FAM171B: variants seen among roughly 807,000 people sequenced by gnomAD.
FAM171B encodes the protein family with sequence similarity 171 member B, also known as protein FAM171B.
In FAM171B, 19 loss-of-function variants were observed where a neutral mutation model predicts 75.6. The ratio of observed to expected loss-of-function variants is 0.25; its 90% CI spans 0.18 to 0.37. FAM171B has a LOEUF of 0.37. FAM171B is among the 10% of genes least tolerant of loss of function. FAM171B has a pLI of 1.00. For synonymous variants in FAM171B, 367 were observed against 361.7 expected (o/e 1.01, Z -0.17); for missense variants, 848 against 982.4 (o/e 0.86, Z 1.83).
intron 1 of FAM171B, among the ~76,000 whole-genome samples, chr2:186,724,256 G>A (rs771562523): frequency 5.3e-5 from 8 of 152,138 alleles, no homozygotes; most frequent in Non-Finnish European, 1.2e-4. Flanking sequence ...CTGGAGCAAC[G>A]GGGTATGCTG....
At chr2:186,754,189 AT>A (rs893317507) in intron 6 of FAM171B, 140 bp downstream of exon 6, 317 of 582,806 alleles carry the variant, frequency 5.4e-4, no homozygotes, top group South Asian at 6.0e-4. Context: ...ATCTCAGCTT[AT>A]TTTTTTTTCA....
rs563612838 is a variant in FAM171B at position 186,695,657 on chromosome 2, T to C, written c.238+1246T>C. Among the ~76,000 whole-genome samples the C allele has an allele frequency of 1.8e-4, 28 of 152,314 alleles. 1 individual carries two copies. The South Asian group carries it at 4.6e-3, about 25-fold the overall frequency. On this transcript the variant is annotated intron_variant, in intron 1 of 7. Coordinates refer to ENST00000304698, the MANE Select transcript of FAM171B (RefSeq NM_177454.4). ...AGCATAGGATGAAATCACCAAAGTGTGCAGGAAAGCATGTGTTTCTGACAC... is the reference window on the plus strand; with the variant it reads ...AGCATAGGATGAAATCACCAAAGTGCGCAGGAAAGCATGTGTTTCTGACAC...
chr2:186,742,018 AATACTT>A (rs1690296283), intron 2 of FAM171B, among the ~76,000 whole-genome samples: 1 of 152,286 alleles, frequency 6.6e-6, no homozygotes, highest in South Asian at 2.1e-4. Flanking sequence ...TTTTGAGAGA[AATACTT>A]ATGTTATTAA....
Position 186,764,790 on chromosome 2 carries a change from A to G in FAM171B, c.*1967A>G, listed in dbSNP as rs1242175283. 6.6e-6 allele frequency: 1 copy of G among 151,924 alleles called. No individual in the cohort carries two copies. Among genetic ancestry groups the G allele is most frequent in the African/African-American group, 2.4e-5 (1 of 41,414 alleles). The allele number at this position is 151,924 out of a possible 1,614,324, so 9.4% of individuals were successfully genotyped here. A position where few individuals can be genotyped will look rare whatever the true frequency, so the allele number is the denominator to read the frequency against. On this transcript the variant is annotated 3_prime_UTR_variant, in exon 8 of 8. Transcript: ENST00000304698. ...GTATTTCTTGTTTTTTGAATACAGT[A>G]TATATTGATAAATTGTTTATGTTGG... is the stretch of plus-strand genomic sequence containing the variant.
chr2:186,745,533 A>G (rs2105787797), intron 3 of FAM171B, among the ~76,000 whole-genome samples: 1 of 152,302 alleles, frequency 6.6e-6, no homozygotes, highest in East Asian at 1.9e-4. Context: ...TCATTTTCCT[A>G]AAAGGTGACC....
intron 3 of FAM171B, among the ~76,000 whole-genome samples, chr2:186,746,495 C>T (rs1415619451): frequency 6.6e-6 from 1 of 152,160 alleles, no homozygotes; most frequent in Admixed American, 6.5e-5. Context: ...AGACATGGCT[C>T]GATCACGACT....
chr2:186,709,199 C>A (rs927202945), intron 1 of FAM171B, among the ~76,000 whole-genome samples: 2 of 152,078 alleles, frequency 1.3e-5, no homozygotes, highest in African/African-American at 2.4e-5. Flanking sequence ...AAATCTGCCC[C>A]CATGATCCAG....
At chr2:186,738,376 C>G (rs1690235480) in intron 1 of FAM171B, among the ~76,000 whole-genome samples, 1 of 151,900 alleles carries the variant, frequency 6.6e-6, no homozygotes. Context: ...AAAAGGAAGG[C>G]TCTCGGTGGA....
At chr2:186,700,569 A>G (rs1689643545) in intron 1 of FAM171B, among the ~76,000 whole-genome samples, 1 of 152,198 alleles carries the variant, frequency 6.6e-6, no homozygotes, top group South Asian at 2.1e-4. Flanking sequence ...TAGCACATTT[A>G]GTAGTTTATT....
At chr2:186,705,489 A>G (rs529598706) in intron 1 of FAM171B, among the ~76,000 whole-genome samples, 1 of 152,214 alleles carries the variant, frequency 6.6e-6, no homozygotes, top group South Asian at 2.1e-4. Context: ...CCCTGAAACT[A>G]ATTAGACAAT....
chr2:186,734,983 G>A (rs1404696531), intron 1 of FAM171B, among the ~76,000 whole-genome samples: 3 of 152,222 alleles, frequency 2.0e-5, no homozygotes, highest in Non-Finnish European at 2.9e-5. Flanking sequence ...AAGCCTGTGA[G>A]GGAAGGGAGC....
chr2:186,751,397 T>C, intron 5 of FAM171B, 93 bp downstream of exon 5: 1 of 1,148,324 alleles, frequency 8.7e-7, no homozygotes, highest in South Asian at 2.6e-5. Context: ...ACAGCTCTAG[T>C]TTTTTAGTAA....
At chr2:186,714,409 A>G (rs1358303016) in intron 1 of FAM171B, among the ~76,000 whole-genome samples, 2 of 152,238 alleles carry the variant, frequency 1.3e-5, no homozygotes, top group Non-Finnish European at 2.9e-5. Context: ...ATGAGATGAA[A>G]GAAACTACAC....
intron 1 of FAM171B, among the ~76,000 whole-genome samples, chr2:186,724,875 T>C (rs1690008096): frequency 6.6e-6 from 1 of 152,152 alleles, no homozygotes; most frequent in Non-Finnish European, 1.5e-5. Flanking sequence ...AAAAGGACAT[T>C]GAGTGCAGAG....
At chr2:186,753,860 A>G (rs1333404053) in intron 5 of FAM171B, 73 bp from the exon 6 acceptor site, 2 of 1,126,086 alleles carry the variant, frequency 1.8e-6, no homozygotes, top group East Asian at 4.8e-5. Flanking sequence ...AAAAAGTCCC[A>G]TAATGTATTC....
chr2:186,733,401 T>C (rs1342880501), intron 1 of FAM171B, among the ~76,000 whole-genome samples: 1 of 152,202 alleles, frequency 6.6e-6, no homozygotes, highest in African/African-American at 2.4e-5. Flanking sequence ...ATTACTCAAA[T>C]CAGTCTCCCC....
chr2:186,740,682 A>G (rs73979355), intron 2 of FAM171B, among the ~76,000 whole-genome samples: 3,805 of 152,248 alleles, frequency 0.025, 171 homozygotes, highest in African/African-American at 0.087. Flanking sequence ...AACAAGAGAA[A>G]TTTATTTCTT....
intron 1 of FAM171B, 148 bp from the exon 2 acceptor site, chr2:186,740,080 T>A: frequency 1.7e-6 from 1 of 574,094 alleles, no homozygotes; most frequent in Non-Finnish European, 3.0e-6. Context: ...GAATAATGAA[T>A]TCTTCATTAT....
chr2:186,762,316 C>G lies in FAM171B; in HGVS notation c.1974C>G (p.Leu658=), dbSNP rs749018526. The part of the protein sequence containing the change: ...SELQGISEQT[L]LELSKGKPSP... Reference sequence around the variant, plus strand: ...TTCAAGGAATTTCAGAACAGACCCTCCTGGAGCTGTCCAAAGGAAAGCCCT... The same window carrying G: ...TTCAAGGAATTTCAGAACAGACCCTGCTGGAGCTGTCCAAAGGAAAGCCCT... The change falls in exon 8 of 8, where the codon CTC becomes CTG. Residue 658 remains leucine, a synonymous_variant. Coordinates refer to ENST00000304698, the MANE Select transcript of FAM171B (RefSeq NM_177454.4). The surrounding 1 kb of genome is among the most constrained non-coding windows in gnomAD (Gnocchi z 4.0). 71 of 1,613,576 alleles carry G rather than the reference C, an allele frequency of 4.4e-5. No homozygotes were observed. The East Asian group carries it at 1.5e-3, about 35-fold the overall frequency.
Sources: gnomAD v4.1 joint callset for allele counts (sites outside exome capture counted in the v4.1 genomes callset) on GRCh38, gnomAD v4.1.1 for gene constraint, Gnocchi (gnomAD v3.1) non-coding constraint, MANE v1.5 for transcripts, NCBI Gene and HGNC (gene_info 2026-07-23, HGNC 2026-07-21) for gene names.